MAPT: variants seen among roughly 807,000 people sequenced by gnomAD.
MAPT encodes microtubule associated protein tau.
In MAPT, 34 loss-of-function variants were observed where a neutral mutation model predicts 67.9. The observed-to-expected ratio is 0.50, with a 90% CI of 0.38 to 0.67. MAPT has a LOEUF of 0.67. Among genes scored for constraint, MAPT ranks in the 30% least tolerant of loss-of-function variants. The probability of loss-of-function intolerance (pLI) is 0.00; values close to 1 mark genes in which losing one functional copy is unlikely to be tolerated. For missense variants in MAPT, 881 were observed against 1,115.2 expected (o/e 0.79, Z 2.99); for synonymous variants, 456 against 464.5 (o/e 0.98, Z 0.23).
intron 9 of MAPT, among the ~76,000 whole-genome samples, chr17:46,001,945 C>T (rs1409016293): frequency 1.3e-5 from 2 of 152,276 alleles, no homozygotes; most frequent in East Asian, 3.9e-4. Context: ...GGGACCTGTT[C>T]AGTGGCCTTT....
chr17:45,961,075 A>G (rs567075615), intron 1 of MAPT, among the ~76,000 whole-genome samples: 11 of 152,064 alleles, frequency 7.2e-5, no homozygotes, highest in Admixed American at 7.2e-4. Flanking sequence ...TGCAGGTTGA[A>G]TGGGGCAACC....
At chr17:45,932,936 G>A (rs1184425233) in intron 1 of MAPT, among the ~76,000 whole-genome samples, 1 of 151,980 alleles carries the variant, frequency 6.6e-6, no homozygotes, top group Non-Finnish European at 1.5e-5. Context: ...ACAAAAATTA[G>A]CCAGGCACGG....
intron 8 of MAPT, 105 bp downstream of exon 8, chr17:45,991,691 G>T (rs2074068484): frequency 2.0e-6 from 3 of 1,520,632 alleles, no homozygotes; most frequent in Admixed American, 1.7e-5. Context: ...ACCCCTGGCA[G>T]CTGGTCAGCA....
At position 45,983,647 on chromosome 17, in the gene MAPT, C is replaced by G; in HGVS notation, c.1068C>G (p.Ala356=). 1 of 1,614,032 alleles carries G rather than the reference C, an allele frequency of 6.2e-7. No homozygotes were observed. The highest frequency in any genetic ancestry group is 1.7e-5 in the Admixed American group (1 of 60,036). ...FLSKVSTEIP[A]SEPDGPSVGR... is the part of the protein sequence containing the mutation. ...CCAAAGTTTCCACAGAGATCCCAGCCTCAGAGCCCGACGGGCCCAGTGTAG... is the reference window on the plus strand; with the variant it reads ...CCAAAGTTTCCACAGAGATCCCAGCGTCAGAGCCCGACGGGCCCAGTGTAG... The change falls in exon 5 of 13, where the codon GCC becomes GCG. Residue 356 remains alanine (A), a synonymous_variant. Transcript: ENST00000262410.
intron 1 of MAPT, among the ~76,000 whole-genome samples, chr17:45,907,406 T>C (rs574881267): frequency 6.6e-6 from 1 of 152,316 alleles, no homozygotes; most frequent in South Asian, 2.1e-4. Flanking sequence ...CACAGTTTCC[T>C]TCTTGCCCCC....
intron 9 of MAPT, among the ~76,000 whole-genome samples, chr17:46,002,242 G>T (rs945175440): frequency 1.3e-5 from 2 of 152,212 alleles, no homozygotes; most frequent in Non-Finnish European, 2.9e-5. Flanking sequence ...GGCAGTGGCC[G>T]TGGGAGTGCT....
At chr17:45,954,760 C>CACGA (rs1568227677) in intron 1 of MAPT, among the ~76,000 whole-genome samples, 1 of 152,026 alleles carries the variant, frequency 6.6e-6, no homozygotes, top group Non-Finnish European at 1.5e-5. Context: ...GTGGGTGGAT[C>CACGA]ACGAGGCCAG....
At chr17:45,938,675 CTCTATGG>C (rs998018796) in intron 1 of MAPT, among the ~76,000 whole-genome samples, 3 of 152,102 alleles carry the variant, frequency 2.0e-5, no homozygotes, top group Non-Finnish European at 4.4e-5. Flanking sequence ...CAAGGTCTCA[CTCTATGG>C]TTCAGGCTGG....
chr17:46,008,018 A>C (rs1228054762), intron 9 of MAPT, among the ~76,000 whole-genome samples: 1 of 152,242 alleles, frequency 6.6e-6, no homozygotes, highest in East Asian at 1.9e-4. Flanking sequence ...CACAAAATGG[A>C]ATGGGACATA....
chr17:45,905,064 G>A (rs1476890267), intron 1 of MAPT, among the ~76,000 whole-genome samples: 1 of 152,148 alleles, frequency 6.6e-6, no homozygotes, highest in African/African-American at 2.4e-5. Flanking sequence ...ATGAGCAGGG[G>A]AAATTCCACG....
At chr17:45,993,780 AGACC>A in intron 8 of MAPT, 1 of 720,910 alleles carries the variant, frequency 1.4e-6, no homozygotes, top group South Asian at 1.6e-5. Flanking sequence ...GCAGGTGGAG[AGACC>A]CTCCCCCTTG....
chr17:45,923,547 A>G (rs2065965513), intron 1 of MAPT, among the ~76,000 whole-genome samples: 1 of 152,196 alleles, frequency 6.6e-6, no homozygotes, highest in Non-Finnish European at 1.5e-5. Flanking sequence ...AGATAATCAG[A>G]TTCTTTCACG....
At chr17:46,012,237 C>A (rs1309578091) in intron 10 of MAPT, among the ~76,000 whole-genome samples, 1 of 152,194 alleles carries the variant, frequency 6.6e-6, no homozygotes, top group Non-Finnish European at 1.5e-5. Context: ...CGTGGCCAAC[C>A]CCTCTGGGTA....
intron 4 of MAPT, among the ~76,000 whole-genome samples, chr17:45,982,640 C>T (rs1415838184): frequency 2.6e-5 from 4 of 152,034 alleles, no homozygotes; most frequent in Non-Finnish European, 5.9e-5. Context: ...GAAACTGAGG[C>T]CCAGAGAGGG....
chr17:45,956,851 G>GT (rs1235513971), intron 1 of MAPT, among the ~76,000 whole-genome samples: 2 of 151,184 alleles, frequency 1.3e-5, no homozygotes, highest in Non-Finnish European at 2.9e-5. Context: ...GCTGTGTTTG[G>GT]TTTTTTTGTC....
At chr17:45,925,292 G>A (rs1018056107) in intron 1 of MAPT, among the ~76,000 whole-genome samples, 1 of 152,214 alleles carries the variant, frequency 6.6e-6, no homozygotes, top group South Asian at 2.1e-4. Context: ...AAGACGGTTT[G>A]TGATGGGTCC....
intron 9 of MAPT, among the ~76,000 whole-genome samples, chr17:46,000,615 A>G (rs1188908586): frequency 6.6e-6 from 1 of 152,190 alleles, no homozygotes; most frequent in African/African-American, 2.4e-5. Context: ...ACCTGTTGTC[A>G]TCTTGAGGTG....
intron 6 of MAPT, among the ~76,000 whole-genome samples, 161 bp from the exon 7 acceptor site, chr17:45,989,717 A>T (rs1598298523): frequency 6.6e-6 from 1 of 152,216 alleles, no homozygotes; most frequent in African/African-American, 2.4e-5. Flanking sequence ...GTTCTTACTG[A>T]TCAGAAGGGA....
At chr17:45,938,794 C>T (rs1217846360) in intron 1 of MAPT, among the ~76,000 whole-genome samples, 2 of 151,322 alleles carry the variant, frequency 1.3e-5, no homozygotes, top group African/African-American at 2.4e-5. Context: ...CAGGGGTGAG[C>T]CCCCATGCCC....
Sources: gnomAD v4.1 joint callset for allele counts (sites outside exome capture counted in the v4.1 genomes callset) on GRCh38, gnomAD v4.1.1 for gene constraint, MANE v1.5 for transcripts, NCBI Gene and HGNC (gene_info 2026-07-23, HGNC 2026-07-21) for gene names.